The following PHLDB2 variants were observed in gnomAD, a reference collection of about 807,000 sequenced individuals.
PHLDB2 encodes the protein pleckstrin homology like domain family B member 2, also known as pleckstrin homology-like domain family B member 2.
In PHLDB2, 71 loss-of-function variants were observed where a neutral mutation model predicts 123.6. The ratio of observed to expected loss-of-function variants is 0.57; its 90% CI spans 0.47 to 0.70. The LOEUF is 0.70. Among genes scored for constraint, PHLDB2 ranks in the 30% least tolerant of loss-of-function variants. PHLDB2 has a pLI of 0.00. For synonymous variants in PHLDB2, 547 were observed against 541.6 expected, an observed-to-expected ratio of 1.01 and a Z score of -0.14; for missense variants, 1,446 against 1,519.5, an observed-to-expected ratio of 0.95 and a Z score of 0.80.
At chr3:111,842,666 A>G (rs1422017412) in intron 1 of PHLDB2, among the ~76,000 whole-genome samples, 1 of 152,182 alleles carries the variant, frequency 6.6e-6, no homozygotes, top group Admixed American at 6.5e-5. Flanking sequence ...AATGGTTTTT[A>G]ATATATTCAA....
chr3:111,830,787 C>A (rs1480175931), intron 1 of PHLDB2, among the ~76,000 whole-genome samples: 2 of 95,254 alleles, frequency 2.1e-5, no homozygotes, highest in African/African-American at 8.5e-5. Context: ...CCAGCCTGGG[C>A]GACAGAGCGA....
intron 1 of PHLDB2, among the ~76,000 whole-genome samples, chr3:111,776,546 G>A (rs996125084): frequency 6.6e-6 from 1 of 151,990 alleles, no homozygotes; most frequent in Non-Finnish European, 1.5e-5. Flanking sequence ...GCTTCCTGAG[G>A]GCAAATCTTT....
chr3:111,949,477 G>A (rs758424098), intron 10 of PHLDB2, among the ~76,000 whole-genome samples: 109 of 152,224 alleles, frequency 7.2e-4, no homozygotes, highest in Non-Finnish European at 1.2e-3. Flanking sequence ...CCTTTTAAAA[G>A]CCTTCTAGGG....
intron 1 of PHLDB2, among the ~76,000 whole-genome samples, chr3:111,751,123 C>T (rs973959490): frequency 6.6e-6 from 1 of 150,850 alleles, no homozygotes; most frequent in East Asian, 2.0e-4. Flanking sequence ...AAACACTAAA[C>T]AAATACCAAA....
At chr3:111,911,871 G>A (rs2067903762) in intron 2 of PHLDB2, 1 of 703,244 alleles carries the variant, frequency 1.4e-6, no homozygotes, top group Admixed American at 2.4e-5. Flanking sequence ...TGTATTTAAT[G>A]GAACCTAAGG....
At chr3:111,831,425 G>T (rs540702866) in intron 1 of PHLDB2, among the ~76,000 whole-genome samples, 3 of 148,740 alleles carry the variant, frequency 2.0e-5, no homozygotes, top group African/African-American at 7.8e-5. Flanking sequence ...GTCTTCCCAT[G>T]AGCACATTTG....
At position 111,761,611 on chromosome 3, in the gene PHLDB2, C is replaced by T. The variant is rs73220226; in HGVS notation, c.-49+28908C>T. 4.3e-3 allele frequency among the ~76,000 whole-genome samples: 650 copies of T among 152,318 alleles called. 4 individuals are homozygous for T. The highest frequency in any genetic ancestry group is 5.9e-3 in the Non-Finnish European group (400 of 68,036). ...TGCTTTATCTACCCCAGAGGCCAGTCGTTCTCAAACTTCAGCTGCATTCAG... is the reference window on the plus strand; with the variant it reads ...TGCTTTATCTACCCCAGAGGCCAGTTGTTCTCAAACTTCAGCTGCATTCAG... On this transcript the variant is annotated intron_variant, in intron 1 of 17. Coordinates refer to the PHLDB2 transcript ENST00000393923.
chr3:111,966,513 G>C lies in PHLDB2; in HGVS notation c.3078-100G>C, dbSNP rs113122345. 2.6e-4 allele frequency: 150 copies of C among 576,508 alleles called. 2 individuals carry two copies. In the African/African-American group the frequency reaches 3.2e-3, roughly 12 times the overall value. 35.7% of individuals were successfully genotyped at this position (576,508 alleles called of 1,614,324 possible). ...CTCCCTTGACCCCATGTGTGTGTGT[G>C]TGTGTGTGTCTGGGGTGTGTGTGTG... On this transcript the variant is annotated intron_variant, in intron 13 of 17. Coordinates refer to ENST00000431670, the MANE Select transcript of PHLDB2 (RefSeq NM_001134438.2).
intron 1 of PHLDB2, among the ~76,000 whole-genome samples, chr3:111,781,495 T>A (rs958535172): frequency 1.3e-5 from 2 of 152,088 alleles, no homozygotes; most frequent in Non-Finnish European, 2.9e-5. Flanking sequence ...CAAACTTAAT[T>A]TGGGGGCTTT....
intron 1 of PHLDB2, among the ~76,000 whole-genome samples, chr3:111,822,196 T>C (rs2062420124): frequency 6.6e-6 from 1 of 152,068 alleles, no homozygotes; most frequent in South Asian, 2.1e-4. Flanking sequence ...GTAGTATATT[T>C]AGGTATTAGT....
chr3:111,904,136 G>T (rs1053610348), intron 2 of PHLDB2, among the ~76,000 whole-genome samples: 1 of 151,942 alleles, frequency 6.6e-6, no homozygotes, highest in Non-Finnish European at 1.5e-5. Context: ...AAATTAGTCA[G>T]GTGTGGTGGC....
intron 1 of PHLDB2, among the ~76,000 whole-genome samples, chr3:111,835,909 A>G (rs2063374565): frequency 1.3e-5 from 2 of 152,206 alleles, no homozygotes; most frequent in Non-Finnish European, 2.9e-5. Flanking sequence ...CTTGAAAAGC[A>G]CATAGCATAG....
chr3:111,891,149 G>A (rs1382279036), intron 2 of PHLDB2, among the ~76,000 whole-genome samples: 1 of 152,142 alleles, frequency 6.6e-6, no homozygotes, highest in Non-Finnish European at 1.5e-5. Flanking sequence ...TTGCTAGAGG[G>A]CTGGGATGCT....
intron 13 of PHLDB2, among the ~76,000 whole-genome samples, chr3:111,963,747 A>G (rs1246430152): frequency 1.3e-5 from 2 of 152,260 alleles, no homozygotes; most frequent in Non-Finnish European, 2.9e-5. Context: ...TAATAGGCTT[A>G]TAATTTGGGA....
chr3:111,771,567 C>T (rs1251523888), intron 1 of PHLDB2, among the ~76,000 whole-genome samples: 2 of 152,164 alleles, frequency 1.3e-5, no homozygotes, highest in Non-Finnish European at 2.9e-5. Flanking sequence ...TCTCGAACTC[C>T]TGGCCTCAAG....
At position 111,828,632 on chromosome 3, in the gene PHLDB2, T is replaced by C. The variant is rs576525376; in HGVS notation, c.-48-17189T>C. ...CAGGGAGACCCTGTCTCTACAAAAA[T>C]TAGCCGGGTGTGGTGGTGTGCACTG... On this transcript the variant is annotated intron_variant, in intron 1 of 17. Coordinates refer to the PHLDB2 transcript ENST00000393923. Among the ~76,000 whole-genome samples, 5 of 152,104 alleles carry C rather than the reference T, an allele frequency of 3.3e-5. No individual in the cohort carries two copies. In the East Asian group the frequency reaches 9.7e-4, roughly 29 times the overall value.
chr3:111,932,501 C>T, intron 6 of PHLDB2, 104 bp downstream of exon 6: 1 of 1,224,384 alleles, frequency 8.2e-7, no homozygotes, highest in South Asian at 1.6e-5. Context: ...CATAAGTTTG[C>T]ATAAGTTCTA....
In PHLDB2 at chr3:111,884,136, A is replaced by T. The variant is rs1224525724; in HGVS notation, c.59A>T (p.Glu20Val). 10 of 1,614,012 alleles carry T rather than the reference A, an allele frequency of 6.2e-6. No homozygotes were observed. Among genetic ancestry groups the T allele is most frequent in the Non-Finnish European group, 8.5e-6 (10 of 1,179,960 alleles). ...ELDLQNGSLE[E>V]DSVVHSVEND... ...GATTTACAAAATGGTAGCTTAGAGG[A>T]AGACTCTGTGGTGCATTCTGTTGAG... Residue 20 changes from glutamate to valine, a missense_variant, in exon 2 of 18, where the codon GAA (glutamate) becomes GTA (valine). Transcript: ENST00000431670.
chr3:111,816,615 A>G (rs1459206315), intron 1 of PHLDB2, among the ~76,000 whole-genome samples: 1 of 152,128 alleles, frequency 6.6e-6, no homozygotes, highest in Non-Finnish European at 1.5e-5. Context: ...GAAGTAATTA[A>G]CTTGCTTTTG....
Sources: allele counts gnomAD v4.1 joint callset (sites outside exome capture counted in the v4.1 genomes callset), GRCh38; gene constraint gnomAD v4.1.1; transcripts MANE v1.5; gene names NCBI Gene and HGNC (gene_info 2026-07-23, HGNC 2026-07-21).